The following DEDD2 variants were observed in gnomAD, a reference collection of about 807,000 sequenced individuals.
DEDD2 encodes the protein death effector domain containing 2.
In DEDD2, 18 loss-of-function variants were observed where a neutral mutation model predicts 28.9. That is an observed-to-expected ratio of 0.62 (90% confidence interval 0.43 to 0.92). The LOEUF is 0.92. DEDD2 is among the 40% of genes least tolerant of loss of function. DEDD2 has a pLI of 0.00. For missense variants in DEDD2, 411 were observed against 463.3 expected (o/e 0.89, Z 1.04); for synonymous variants, 211 against 206.1 (o/e 1.02, Z -0.20).
intron 4 of DEDD2, chr19:42,202,087 A>G: frequency 2.5e-6 from 1 of 398,726 alleles, no homozygotes; most frequent in Admixed American, 4.4e-5. Flanking sequence ...AACACAAACA[A>G]ACAAGAGGTC....
intron 4 of DEDD2, among the ~76,000 whole-genome samples, chr19:42,207,154 A>T (rs1196749529): frequency 6.6e-6 from 1 of 152,092 alleles, no homozygotes; most frequent in Non-Finnish European, 1.5e-5. Flanking sequence ...CACCCCCTCA[A>T]ACCCTGCCGC....
At chr19:42,205,141 G>A (rs1422247611) in intron 4 of DEDD2, among the ~76,000 whole-genome samples, 2 of 152,162 alleles carry the variant, frequency 1.3e-5, no homozygotes, top group Non-Finnish European at 2.9e-5. Context: ...GCAGGATACA[G>A]TCAGCAAAAT....
chr19:42,215,288 C>T lies in DEDD2; in HGVS notation c.329-36G>A, dbSNP rs1276151907. ...AGAAGAACAGGAAGAAGCATTCAGC[C>T]TCCTGGCCCTAATTCCCACCCCTGG... On this transcript the variant is annotated intron_variant, in intron 2 of 4. Transcript: ENST00000596251. The T allele has an allele frequency of 1.9e-6, 3 of 1,609,014 alleles. No homozygotes were observed. In the Admixed American group the frequency reaches 5.0e-5, roughly 27 times the overall value.
intron 2 of DEDD2, 105 bp downstream of exon 2, chr19:42,216,575 T>C: frequency 8.6e-7 from 1 of 1,162,498 alleles, no homozygotes; most frequent in South Asian, 1.6e-5. Flanking sequence ...GAATGGGACA[T>C]AAGCTGCCTG....
chr19:42,199,476 C>T lies in DEDD2; in HGVS notation c.943G>A (p.Glu315Lys). ...GTCGGGCGCCGCCCCCCTTCCTCCT[C>T]CATCAGCAACAGGCGGCGCCGGCCA... Reference protein sequence around the residue: ...EAGRRRLLLMEEEGGRRPTEA... With the variant: ...EAGRRRLLLMKEEGGRRPTEA... The change falls in exon 5 of 5, where the codon GAG becomes AAG. Residue 315 changes from glutamate (E) to lysine (K), a missense_variant. Transcript: ENST00000596251. This position sits in a 1 kb window ranked among gnomAD's most constrained non-coding sequence, Gnocchi z 7.4. 3 of 1,611,750 alleles carry T rather than the reference C, an allele frequency of 1.9e-6. No individual in the cohort carries two copies. Among genetic ancestry groups the T allele is most frequent in the Non-Finnish European group, 2.5e-6 (3 of 1,179,180 alleles).
intron 3 of DEDD2, among the ~76,000 whole-genome samples, chr19:42,213,126 T>G (rs2035832127): frequency 6.6e-6 from 1 of 152,022 alleles, no homozygotes; most frequent in Non-Finnish European, 1.5e-5. Context: ...CAAAGAATGA[T>G]ACAAACACAT....
rs959323856 is a variant in DEDD2 at position 42,215,245 on chromosome 19, T to C, written c.336A>G (p.Pro112=). The stretch of plus-strand genomic sequence containing the variant: ...TGGAGGTGCCATAGCTATAGCGTTC[T>C]GGAGACACTGGAGGAAGAGAAGAAC... ...LARKRRRPVS[P]ERYSYGTSSS... The change falls in exon 3 of 5, where the codon CCA becomes CCG. Residue 112 remains proline (P), a synonymous_variant. Coordinates refer to ENST00000596251, the MANE Select transcript of DEDD2 (RefSeq NM_133328.4). The C allele has an allele frequency of 6.2e-6, 10 of 1,614,052 alleles. No homozygotes were observed. The highest frequency in any genetic ancestry group is 8.5e-6 in the Non-Finnish European group (10 of 1,179,952).
chr19:42,216,875 G>A lies in DEDD2; in HGVS notation c.133C>T (p.Leu45=), dbSNP rs770905595. Residue 45 remains leucine (L), a synonymous_variant, in exon 2 of 5, where the codon CTG becomes TTG. Transcript: ENST00000596251. ...GGAGCCTCATCCAGCAGAAAGGCCA[G>A]GAGCTCCAGCTCGCACTCGGTCAGT... is the stretch of plus-strand genomic sequence containing the variant. ...GQLTECELEL[L]AFLLDEAPGA... 1.3e-6 allele frequency: 2 copies of A among 1,597,056 alleles called. No homozygotes were observed. Among genetic ancestry groups the A allele is most frequent in the Non-Finnish European group, 1.7e-6 (2 of 1,172,420 alleles).
At chr19:42,202,513 C>G (rs566625800) in intron 4 of DEDD2, among the ~76,000 whole-genome samples, 2 of 152,310 alleles carry the variant, frequency 1.3e-5, no homozygotes. Flanking sequence ...CCAGAGCCCC[C>G]ACCATGTCAG....
intron 1 of DEDD2, among the ~76,000 whole-genome samples, chr19:42,217,317 C>T (rs1320453367): frequency 6.6e-6 from 1 of 152,042 alleles, no homozygotes; most frequent in Non-Finnish European, 1.5e-5. Flanking sequence ...GCGGCCCAAA[C>T]AAGCCTCGGG....
intron 2 of DEDD2, 81 bp from the exon 3 acceptor site, chr19:42,215,333 G>A (rs2035925211): frequency 6.4e-7 from 1 of 1,571,214 alleles, no homozygotes; most frequent in Non-Finnish European, 8.7e-7. Context: ...TGCACCACGA[G>A]GTGCCTAAGT....
Position 42,216,974 on chromosome 19 carries a change from A to C in DEDD2, c.34T>G (p.Trp12Gly). 5.0e-6 allele frequency: 8 copies of C among 1,599,672 alleles called. No individual in the cohort carries two copies. Among genetic ancestry groups the C allele is most frequent in the Non-Finnish European group, 6.8e-6 (8 of 1,173,700 alleles). Residue 12 changes from tryptophan to glycine, a missense_variant, in exon 2 of 5, where the codon TGG becomes GGG. Trp to Gly is a radical substitution (Grantham distance 184, BLOSUM62 -2). Transcript: ENST00000596251. The stretch of plus-strand genomic sequence containing the variant: ...TAGTCCAGGCACTCATCCTCCTCCC[A>C]GCACGGGGCCGGGGTCGACCCGGAT... ...ALSGSTPAPC[W>G]EEDECLDYYG... is the part of the protein sequence containing the mutation.
In DEDD2 at chr19:42,199,922, C is replaced by T. The variant is rs574665870; in HGVS notation, c.590-93G>A. On this transcript the variant is annotated intron_variant, in intron 4 of 4. Transcript: ENST00000596251. This position sits in a 1 kb window ranked among gnomAD's most constrained non-coding sequence, Gnocchi z 7.4. ...CTTCCTCCCTCCAGCCTTCTCCCTC[C>T]ACCCCCTTCCGGTAGCCACACCCTA... 12 of 1,465,538 alleles carry T rather than the reference C, an allele frequency of 8.2e-6. No individual in the cohort carries two copies. In the African/African-American group the frequency reaches 1.7e-4, roughly 21 times the overall value. 90.8% of individuals were successfully genotyped at this position (1,465,538 alleles called of 1,614,324 possible).
At position 42,216,929 on chromosome 19, in the gene DEDD2, G is replaced by T. The variant is rs1307764648; in HGVS notation, c.79C>A (p.His27Asn). 6 of 1,601,782 alleles carry T rather than the reference G, an allele frequency of 3.7e-6. No homozygotes were observed. In the East Asian group the frequency reaches 1.4e-4, roughly 36 times the overall value. The change falls in exon 2 of 5, where the codon CAC becomes AAC. Residue 27 changes from histidine (H) to asparagine (N), a missense_variant. His to Asn is a moderately conservative substitution (Grantham distance 68). This residue lies in a region of DEDD2 where 282 missense variants were observed against 273.4 expected (regional missense o/e 1.03). Coordinates refer to ENST00000596251, the MANE Select transcript of DEDD2 (RefSeq NM_133328.4). ...CLDYYGMLSL[H>N]RMFEVVGGQL... ...CCGCCCACCACCTCGAACATACGGT[G>T]AAGCGACAGCATCCCGTAGTAGTCC...
Position 42,209,834 on chromosome 19 carries a change from G to A in DEDD2, c.455C>T (p.Pro152Leu), listed in dbSNP as rs1568447720. The A allele has an allele frequency of 6.5e-7, 1 of 1,534,250 alleles. No homozygotes were observed. Among genetic ancestry groups the A allele is most frequent in the Non-Finnish European group, 8.8e-7 (1 of 1,141,858 alleles). The change falls in exon 4 of 5, where the codon CCC becomes CTC. Residue 152 changes from proline (P) to leucine (L), a missense_variant. Pro to Leu is a moderately conservative substitution (Grantham distance 98). Transcript: ENST00000596251. ...ACTCCGCCGCTGCCGCTTGGTTGGG[G>A]GGGAGCCTGAGGGGAAAAAAATGGG... ...SQQGQWETGS[P>L]PTKRQRRSRG...
Position 42,199,845 on chromosome 19 carries a change from G to A in DEDD2, c.590-16C>T. 4.5e-6 allele frequency: 7 copies of A among 1,570,550 alleles called. No individual in the cohort carries two copies. The highest frequency in any genetic ancestry group is 2.3e-5 in the South Asian group (2 of 86,406). On this transcript the variant is annotated splice_polypyrimidine_tract_variant and intron_variant, in intron 4 of 4. Coordinates refer to ENST00000596251, the MANE Select transcript of DEDD2 (RefSeq NM_133328.4). The surrounding 1 kb of genome is among the most constrained non-coding windows in gnomAD (Gnocchi z 7.4). ...AGCCGGATGTCTGCAGGGGAAGGAG[G>A]GATTTGTCAGGGAGGGGGCCAACAC...
rs1166447859 is a variant in DEDD2, at chr19:42,216,974, AGCACGG to A, written c.28_33del (p.Pro10_Cys11del). On this transcript the variant is annotated inframe_deletion, in exon 2 of 5. Coordinates refer to ENST00000596251, the MANE Select transcript of DEDD2 (RefSeq NM_133328.4). ...TAGTCCAGGCACTCATCCTCCTCCC[AGCACGG>A]GGCCGGGGTCGACCCGGATAGCGCC... 6.3e-7 allele frequency: 1 copy of A among 1,599,672 alleles called. No homozygotes were observed. The highest frequency in any genetic ancestry group is 1.7e-5 in the Admixed American group (1 of 58,572).
upstream of DEDD2, among the ~76,000 whole-genome samples, chr19:42,218,930 A>G (rs943187982): frequency 6.6e-6 from 1 of 152,156 alleles, no homozygotes; most frequent in African/African-American, 2.4e-5. Context: ...GAGACAAGAG[A>G]ATCTCTTGAA....
At position 42,216,383 on chromosome 19, in the gene DEDD2, G is replaced by A. The variant is rs2035968701; in HGVS notation, c.328+297C>T. On this transcript the variant is annotated intron_variant, in intron 2 of 4. Transcript: ENST00000596251. ...GTGAAGACAGTAACAGGACTTCCTTGTGAGATTACTGGGAGACTATAAGGC... is the reference window on the plus strand; with the variant it reads ...GTGAAGACAGTAACAGGACTTCCTTATGAGATTACTGGGAGACTATAAGGC... Among the ~76,000 whole-genome samples, 5 of 152,186 alleles carry A rather than the reference G, an allele frequency of 3.3e-5. No homozygotes were observed. The South Asian group carries it at 1.0e-3, about 31-fold the overall frequency.
Sources: allele counts gnomAD v4.1 joint callset (sites outside exome capture counted in the v4.1 genomes callset), GRCh38; gene constraint gnomAD v4.1.1; regional missense constraint gnomAD v4.1.1; non-coding constraint Gnocchi (gnomAD v3.1); transcripts MANE v1.5; gene names NCBI Gene and HGNC (gene_info 2026-07-23, HGNC 2026-07-21).